The following FZD1 variants were observed in gnomAD, a reference collection of about 807,000 sequenced individuals.
FZD1 encodes frizzled class receptor 1, also known as frizzled-1.
A neutral mutation model predicts 48.0 loss-of-function variants in FZD1; 22 were observed. The ratio of observed to expected loss-of-function variants is 0.46; its 90% CI spans 0.33 to 0.65. The LOEUF is 0.65. Ranked by LOEUF, FZD1 falls within the 30% of genes least tolerant of loss-of-function variation. The pLI, the probability that FZD1 is intolerant of heterozygous loss-of-function variation, is 0.02. For missense variants in FZD1, 843 were observed against 898.1 expected (o/e 0.94, Z 0.78); for synonymous variants, 486 against 409.6 (o/e 1.19, Z -2.25).
rs763138579 is a variant in FZD1 at position 91,266,490 on chromosome 7, T to C, written c.1610T>C (p.Ile537Thr). The C allele has an allele frequency of 6.8e-6, 11 of 1,613,946 alleles. No homozygotes were observed. Among genetic ancestry groups the C allele is most frequent in the South Asian group, 5.5e-5 (5 of 91,088 alleles). Residue 537 changes from isoleucine (I) to threonine (T), a missense_variant, in exon 1 of 1, where the codon ATT becomes ACT. This residue lies in a region of FZD1 where 353 missense variants were observed against 431.6 expected (regional missense o/e 0.82). Transcript: ENST00000287934. The surrounding 1 kb of genome is among the most constrained non-coding windows in gnomAD (Gnocchi z 6.8). ...TEKLEKLMVR[I>T]GVFSVLYTVP... Reference sequence around the variant, plus strand: ...AAGCTGGAGAAGCTCATGGTGCGCATTGGCGTCTTCAGCGTGCTGTACACT... The same window carrying C: ...AAGCTGGAGAAGCTCATGGTGCGCACTGGCGTCTTCAGCGTGCTGTACACT...
chr7:91,271,054 A>C lies in FZD1; in HGVS notation c.*4230A>C, dbSNP rs983691742. On this transcript the variant is annotated 3_prime_UTR_variant, in exon 1 of 1. Coordinates refer to ENST00000287934, the MANE Select transcript of FZD1 (RefSeq NM_003505.2). ...GTCCTTACATTTAAAATGGGATCTT[A>C]CAAGGGAAGTACCAAAAAAGTAAAG... The C allele has an allele frequency of 6.0e-6, 1 of 167,106 alleles. No homozygotes were observed. The highest frequency in any genetic ancestry group is 1.5e-5 in the Non-Finnish European group (1 of 68,126). The allele number at this position is 167,106 out of a possible 1,614,324, so 10.4% of individuals were successfully genotyped here.
chr7:91,270,473 A>C lies in FZD1; in HGVS notation c.*3649A>C, dbSNP rs1803952497. Reference sequence around the variant, plus strand: ...CCTTTTGTCTCCACTGTAAGTACTGAAGCCTTCTGGTGTAGTTGTATCACC... The same window carrying C: ...CCTTTTGTCTCCACTGTAAGTACTGCAGCCTTCTGGTGTAGTTGTATCACC... On this transcript the variant is annotated 3_prime_UTR_variant, in exon 1 of 1. Coordinates refer to ENST00000287934, the MANE Select transcript of FZD1 (RefSeq NM_003505.2). 1 of 167,034 alleles carries C rather than the reference A, an allele frequency of 6.0e-6. No individual in the cohort carries two copies. Among genetic ancestry groups the C allele is most frequent in the African/African-American group, 2.4e-5 (1 of 41,438 alleles). 10.3% of individuals were successfully genotyped at this position (167,034 alleles called of 1,614,324 possible). A position where few individuals can be genotyped will look rare whatever the true frequency, so the allele number is the denominator to read the frequency against.
Position 91,264,586 on chromosome 7 carries a change from T to G in FZD1, c.-295T>G. ...GCGCTCTCTACGGGGCCGCGGCCACTAGCGCGGCGCCGCCAGCCGGGAGCC... is the reference window on the plus strand; with the variant it reads ...GCGCTCTCTACGGGGCCGCGGCCACGAGCGCGGCGCCGCCAGCCGGGAGCC... On this transcript the variant is annotated 5_prime_UTR_variant, in exon 1 of 1. The change abolishes the stop of an existing upstream ORF in the 5' untranslated region. Coordinates refer to ENST00000287934, the MANE Select transcript of FZD1 (RefSeq NM_003505.2). The G allele has an allele frequency of 1.1e-5, 4 of 367,216 alleles. No individual in the cohort carries two copies. Among genetic ancestry groups the G allele is most frequent in the Non-Finnish European group, 1.9e-5 (4 of 205,740 alleles). The allele number at this position is 367,216 out of a possible 1,614,324, so 22.7% of individuals were successfully genotyped here.
In FZD1 at chr7:91,268,347, G is replaced by A; in HGVS notation, c.*1523G>A. 1.2e-5 allele frequency: 2 copies of A among 167,184 alleles called. No homozygotes were observed. The allele number at this position is 167,184 out of a possible 1,614,324, so 10.4% of individuals were successfully genotyped here. On this transcript the variant is annotated 3_prime_UTR_variant, in exon 1 of 1. Transcript: ENST00000287934. ...CAAAATATGGGCATGCATGCTAAAGGGAAAATGTGTGCAGGTCTACTGCAT... is the reference window on the plus strand; with the variant it reads ...CAAAATATGGGCATGCATGCTAAAGAGAAAATGTGTGCAGGTCTACTGCAT...
Position 91,269,719 on chromosome 7 carries a change from A to G in FZD1, c.*2895A>G, listed in dbSNP as rs1303696762. ...TTCCCTTTTTCTTTGTTACATTAACATAATATAGTAGATAGAGGGTTTATT... is the reference window on the plus strand; with the variant it reads ...TTCCCTTTTTCTTTGTTACATTAACGTAATATAGTAGATAGAGGGTTTATT... On this transcript the variant is annotated 3_prime_UTR_variant, in exon 1 of 1. Coordinates refer to ENST00000287934, the MANE Select transcript of FZD1 (RefSeq NM_003505.2). 2 of 166,964 alleles carry G rather than the reference A, an allele frequency of 1.2e-5. No individual in the cohort carries two copies. The highest frequency in any genetic ancestry group is 2.9e-5 in the Non-Finnish European group (2 of 68,100). 10.3% of individuals were successfully genotyped at this position (166,964 alleles called of 1,614,324 possible).
Position 91,266,670 on chromosome 7 carries a change from G to A in FZD1, c.1790G>A (p.Ser597Asn). The A allele has an allele frequency of 6.2e-7, 1 of 1,613,114 alleles. No homozygotes were observed. The highest frequency in any genetic ancestry group is 8.5e-7 in the Non-Finnish European group (1 of 1,179,660). Residue 597 changes from serine to asparagine, a missense_variant, in exon 1 of 1, where the codon AGC (serine) becomes AAC (asparagine). Coordinates refer to ENST00000287934, the MANE Select transcript of FZD1 (RefSeq NM_003505.2). The surrounding 1 kb of genome is among the most constrained non-coding windows in gnomAD (Gnocchi z 6.8). ...GGGAPPHPPM[S>N]PDFTVFMIKY... ...GGCGCCCCGCCGCACCCGCCCATGA[G>A]CCCGGACTTCACGGTCTTCATGATT...
chr7:91,265,715 G>T lies in FZD1; in HGVS notation c.835G>T (p.Ala279Ser), dbSNP rs565335389. 1.2e-6 allele frequency: 2 copies of T among 1,606,768 alleles called. No individual in the cohort carries two copies. Among genetic ancestry groups the T allele is most frequent in the South Asian group, 2.2e-5 (2 of 90,486 alleles). The change falls in exon 1 of 1, where the codon GCC (alanine) becomes TCC (serine). Residue 279 changes from alanine (A) to serine (S), a missense_variant. Around this residue, in one of 2 missense-constraint regions of FZD1, gnomAD observed 490 missense variants for 466.5 expected, o/e 1.05. Coordinates refer to ENST00000287934, the MANE Select transcript of FZD1 (RefSeq NM_003505.2). This position sits in a 1 kb window ranked among gnomAD's most constrained non-coding sequence, Gnocchi z 6.9. The stretch of plus-strand genomic sequence containing the variant: ...GCGAGGCAAGTTCTCCTGCCCGCGC[G>T]CCCTCAAGGTGCCCTCCTACCTCAA... ...SERGKFSCPR[A>S]LKVPSYLNYH...
chr7:91,264,963 C>T lies in FZD1; in HGVS notation c.83C>T (p.Ala28Val). The T allele has an allele frequency of 7.3e-7, 1 of 1,362,236 alleles. No homozygotes were observed. The highest frequency in any genetic ancestry group is 9.4e-7 in the Non-Finnish European group (1 of 1,060,932). 84.4% of individuals were successfully genotyped at this position (1,362,236 alleles called of 1,614,324 possible). A position where few individuals can be genotyped will look rare whatever the true frequency, so the allele number is the denominator to read the frequency against. The change falls in exon 1 of 1, where the codon GCC (alanine) becomes GTC (valine). Residue 28 changes from alanine to valine, a missense_variant. Physicochemically the swap from Ala to Val is moderately conservative, Grantham distance 64. This residue lies in a region of FZD1 where 490 missense variants were observed against 466.5 expected (regional missense o/e 1.05). Coordinates refer to ENST00000287934, the MANE Select transcript of FZD1 (RefSeq NM_003505.2). ...GAACTTTGTGCCGGGGCGCTCTCGGCCCGGCTGGCGGAGGAGGGCAGCGGG... is the reference window on the plus strand; with the variant it reads ...GAACTTTGTGCCGGGGCGCTCTCGGTCCGGCTGGCGGAGGAGGGCAGCGGG... ...SWELCAGALSARLAEEGSGDA... is the reference protein window; with the variant it reads ...SWELCAGALSVRLAEEGSGDA...
rs1266792720 is a variant in FZD1 at position 91,271,169 on chromosome 7, C to T, written c.*4345C>T. ...TAACATTTGAAAAATGGTACTTGAA[C>T]ATCAATTATGTCTCAGAGTTCCCTT... is the stretch of plus-strand genomic sequence containing the variant. On this transcript the variant is annotated 3_prime_UTR_variant, in exon 1 of 1. Coordinates refer to ENST00000287934, the MANE Select transcript of FZD1 (RefSeq NM_003505.2). 1 of 167,046 alleles carries T rather than the reference C, an allele frequency of 6.0e-6. No homozygotes were observed. Among genetic ancestry groups the T allele is most frequent in the Non-Finnish European group, 1.5e-5 (1 of 68,106 alleles). 10.3% of individuals were successfully genotyped at this position (167,046 alleles called of 1,614,324 possible).
rs377459455 is a variant in FZD1, at chr7:91,265,212, C to T, written c.332C>T (p.Pro111Leu). The T allele has an allele frequency of 6.2e-7, 1 of 1,613,896 alleles. No individual in the cohort carries two copies. The highest frequency in any genetic ancestry group is 8.5e-7 in the Non-Finnish European group (1 of 1,179,942). ...QYNGERGISV[P>L]DHGYCQPISI... ...AACGGCGAGCGGGGCATCTCCGTCC[C>T]GGACCACGGCTATTGCCAGCCCATC... Residue 111 changes from proline (P) to leucine (L), a missense_variant, in exon 1 of 1, where the codon CCG becomes CTG. Coordinates refer to ENST00000287934, the MANE Select transcript of FZD1 (RefSeq NM_003505.2). This position sits in a 1 kb window ranked among gnomAD's most constrained non-coding sequence, Gnocchi z 6.9.
At position 91,266,852 on chromosome 7, in the gene FZD1, C is replaced by T. The variant is rs757825463; in HGVS notation, c.*28C>T. The T allele has an allele frequency of 9.6e-6, 14 of 1,458,348 alleles. No homozygotes were observed. In the African/African-American group the frequency reaches 1.8e-4, roughly 19 times the overall value. The allele number at this position is 1,458,348 out of a possible 1,614,324, so 90.3% of individuals were successfully genotyped here. On this transcript the variant is annotated 3_prime_UTR_variant, in exon 1 of 1. Transcript: ENST00000287934. The surrounding 1 kb of genome is among the most constrained non-coding windows in gnomAD (Gnocchi z 6.8). ...CCCGGGGCTCAGCCCATGCCCAGGCCTCGGCCGGGGCGCAGCGATCCCCCA... is the reference window on the plus strand; with the variant it reads ...CCCGGGGCTCAGCCCATGCCCAGGCTTCGGCCGGGGCGCAGCGATCCCCCA...
chr7:91,265,332 A>C lies in FZD1; in HGVS notation c.452A>C (p.His151Pro), dbSNP rs1470820699. 2 of 1,614,114 alleles carry C rather than the reference A, an allele frequency of 1.2e-6. No individual in the cohort carries two copies. The highest frequency in any genetic ancestry group is 1.7e-6 in the Non-Finnish European group (2 of 1,179,972). The change falls in exon 1 of 1, where the codon CAC becomes CCC. Residue 151 changes from histidine (H) to proline (P), a missense_variant. Transcript: ENST00000287934. The surrounding 1 kb of genome is among the most constrained non-coding windows in gnomAD (Gnocchi z 6.9). ...TNQEDAGLEV[H>P]QFYPLVKVQC... ...CAGGAGGACGCGGGCCTGGAGGTGC[A>C]CCAGTTCTACCCTCTAGTGAAAGTG... is the stretch of plus-strand genomic sequence containing the variant.
chr7:91,264,832 GC>G lies in FZD1; in HGVS notation c.-45del. 1 of 1,243,166 alleles carries G rather than the reference GC, an allele frequency of 8.0e-7. No individual in the cohort carries two copies. Among genetic ancestry groups the G allele is most frequent in the East Asian group, 3.2e-5 (1 of 31,418 alleles). The allele number at this position is 1,243,166 out of a possible 1,614,324, so 77.0% of individuals were successfully genotyped here. On this transcript the variant is annotated 5_prime_UTR_variant, in exon 1 of 1. Transcript: ENST00000287934. ...CGCAGGGGGAGCCGCCGCCGGCCGT[GC>G]CCCTGGCAGCCCCAGCGGAGCGGCG...
In FZD1 at chr7:91,266,353, G is replaced by A. The variant is rs371899160; in HGVS notation, c.1473G>A (p.Val491=). The change falls in exon 1 of 1, where the codon GTG becomes GTA. Residue 491 remains valine, a synonymous_variant. Coordinates refer to ENST00000287934, the MANE Select transcript of FZD1 (RefSeq NM_003505.2). The surrounding 1 kb of genome is among the most constrained non-coding windows in gnomAD (Gnocchi z 6.8). ...LNNVDALRGF[V]LAPLFVYLFI... The stretch of plus-strand genomic sequence containing the variant: ...ACGTGGACGCGCTGCGTGGCTTCGT[G>A]CTGGCGCCCCTCTTCGTGTACCTGT... 1 of 1,614,148 alleles carries A rather than the reference G, an allele frequency of 6.2e-7. No homozygotes were observed.
At position 91,271,251 on chromosome 7, in the gene FZD1, A is replaced by T. The variant is rs1296035101; in HGVS notation, c.*4427A>T. 6.0e-6 allele frequency: 1 copy of T among 167,070 alleles called. No individual in the cohort carries two copies. Among genetic ancestry groups the T allele is most frequent in the African/African-American group, 2.4e-5 (1 of 41,464 alleles). 10.3% of individuals were successfully genotyped at this position (167,070 alleles called of 1,614,324 possible). ...TTTGGTCATACCTTTGACAATGGAT[A>T]TGTTAAACTTTAACAATTATAGTGA... On this transcript the variant is annotated 3_prime_UTR_variant, in exon 1 of 1. Transcript: ENST00000287934.
chr7:91,265,637 C>A lies in FZD1; in HGVS notation c.757C>A (p.His253Asn). 1 of 1,585,670 alleles carries A rather than the reference C, an allele frequency of 6.3e-7. No homozygotes were observed. The change falls in exon 1 of 1, where the codon CAC (histidine) becomes AAC (asparagine). Residue 253 changes from histidine (H) to asparagine (N), a missense_variant. By Grantham distance (68) the His-to-Asn change is moderately conservative. Around this residue, in one of 2 missense-constraint regions of FZD1, gnomAD observed 490 missense variants for 466.5 expected, o/e 1.05. Transcript: ENST00000287934. This position sits in a 1 kb window ranked among gnomAD's most constrained non-coding sequence, Gnocchi z 6.9. Reference sequence around the variant, plus strand: ...AGAGTTCTGGACCAGCAACCCTCAGCACGGCGGCGGAGGGCACCGTGGCGG... The same window carrying A: ...AGAGTTCTGGACCAGCAACCCTCAGAACGGCGGCGGAGGGCACCGTGGCGG... ...LPEFWTSNPQ[H>N]GGGGHRGGFP...
Position 91,265,795 on chromosome 7 carries a change from G to A in FZD1, c.915G>A (p.Val305=), listed in dbSNP as rs1452802568. Residue 305 remains valine (V), a synonymous_variant, in exon 1 of 1, where the codon GTG becomes GTA. Transcript: ENST00000287934. This position sits in a 1 kb window ranked among gnomAD's most constrained non-coding sequence, Gnocchi z 6.9. ...GCGCACCTTGTGAGCCGACCAAGGT[G>A]TATGGGCTCATGTACTTCGGGCCCG... The part of the protein sequence containing the change: ...DCGAPCEPTK[V]YGLMYFGPEE... 6.2e-7 allele frequency: 1 copy of A among 1,613,460 alleles called. No individual in the cohort carries two copies.
Sources: gnomAD v4.1 joint callset for allele counts on GRCh38, gnomAD v4.1.1 for gene constraint, gnomAD v4.1.1 regional missense constraint, Gnocchi (gnomAD v3.1) non-coding constraint, MANE v1.5 for transcripts, NCBI Gene and HGNC (gene_info 2026-07-23, HGNC 2026-07-21) for gene names.